TTC28: variants seen among roughly 807,000 people sequenced by gnomAD.
TTC28 encodes the protein tetratricopeptide repeat protein 28.
A neutral mutation model predicts 198.0 loss-of-function variants in TTC28; 61 were observed. The observed-to-expected ratio is 0.31, with a 90% CI of 0.25 to 0.38. TTC28 has a LOEUF of 0.38. TTC28 is among the 10% of genes least tolerant of loss of function. The pLI, the probability that TTC28 is intolerant of heterozygous loss-of-function variation, is 1.00. For missense variants in TTC28, 2,678 were observed against 3,164.0 expected (o/e 0.85, Z 3.69); for synonymous variants, 1,171 against 1,297.8 (o/e 0.90, Z 2.10).
intron 5 of TTC28, among the ~76,000 whole-genome samples, chr22:28,251,746 T>C (rs1435590363): frequency 6.6e-6 from 1 of 152,218 alleles, no homozygotes; most frequent in Non-Finnish European, 1.5e-5. Flanking sequence ...AGAAAATGTA[T>C]GTTTTGAAAC....
intron 2 of TTC28, among the ~76,000 whole-genome samples, chr22:28,526,193 CAAT>C (rs1483700186): frequency 6.6e-6 from 1 of 152,124 alleles, no homozygotes; most frequent in African/African-American, 2.4e-5. Flanking sequence ...AAACTACTAA[CAAT>C]AATAAGTATC....
At chr22:28,144,722 T>C (rs914533347) in intron 6 of TTC28, among the ~76,000 whole-genome samples, 1 of 152,220 alleles carries the variant, frequency 6.6e-6, no homozygotes, top group African/African-American at 2.4e-5. Context: ...AGCTAAGCAC[T>C]AGGAATACAA....
intron 5 of TTC28, among the ~76,000 whole-genome samples, chr22:28,290,730 G>T (rs1428427715): frequency 1.3e-5 from 2 of 152,138 alleles, no homozygotes; most frequent in Non-Finnish European, 2.9e-5. Flanking sequence ...AGGCAACATA[G>T]TGAGACCTTG....
chr22:28,279,313 T>G (rs1034781505), intron 5 of TTC28, among the ~76,000 whole-genome samples: 2 of 152,330 alleles, frequency 1.3e-5, no homozygotes, highest in Admixed American at 1.3e-4. Context: ...GTATTTATAT[T>G]TTCAGATAAA....
intron 5 of TTC28, among the ~76,000 whole-genome samples, chr22:28,188,585 G>A (rs1483974254): frequency 3.3e-5 from 5 of 152,226 alleles, no homozygotes; most frequent in Non-Finnish European, 7.3e-5. Flanking sequence ...CTACTGTCTG[G>A]AGATGTTTAG....
intron 12 of TTC28, among the ~76,000 whole-genome samples, chr22:28,038,187 C>G (rs562580631): frequency 1.3e-5 from 2 of 152,256 alleles, no homozygotes; most frequent in East Asian, 3.9e-4. Context: ...TCATAAGCAA[C>G]CAAAAAAGAG....
intron 2 of TTC28, among the ~76,000 whole-genome samples, chr22:28,337,615 G>C (rs932277178): frequency 7.2e-5 from 11 of 152,270 alleles, no homozygotes; most frequent in Admixed American, 3.3e-4. Context: ...TGTCTCTTTT[G>C]ATCTTTGTTG....
Position 28,675,739 on chromosome 22 carries a change from A to T in TTC28, c.102+3883T>A, listed in dbSNP as rs7286815. ...GGGCGACAGAGTGAAACCCTGTCAC[A>T]CACACACACACACACACACACACAC... On this transcript the variant is annotated intron_variant, in intron 1 of 22. Coordinates refer to ENST00000397906, the MANE Select transcript of TTC28 (RefSeq NM_001145418.2). Among the ~76,000 whole-genome samples, 446 of 116,900 alleles carry T rather than the reference A, an allele frequency of 3.8e-3. 1 individual carries two copies. Among genetic ancestry groups the T allele is most frequent in the African/African-American group, 0.011 (328 of 28,766 alleles). 76.7% of individuals were successfully genotyped at this position (116,900 alleles called of 152,430 possible). A position where few individuals can be genotyped will look rare whatever the true frequency, so the allele number is the denominator to read the frequency against.
At chr22:28,548,909 A>G (rs1643976551) in intron 2 of TTC28, among the ~76,000 whole-genome samples, 1 of 152,196 alleles carries the variant, frequency 6.6e-6, no homozygotes, top group Admixed American at 6.5e-5. Context: ...CTTTAAGAGG[A>G]CTTCACCTGA....
intron 8 of TTC28, 68 bp downstream of exon 8, chr22:28,105,211 G>T: frequency 6.7e-7 from 1 of 1,487,562 alleles, no homozygotes; most frequent in African/African-American, 1.4e-5. Context: ...TTCCCTCTGA[G>T]TCTTGAGTTC....
chr22:28,278,344 C>T (rs566293309), intron 5 of TTC28, among the ~76,000 whole-genome samples: 13 of 152,214 alleles, frequency 8.5e-5, no homozygotes, highest in South Asian at 4.1e-4. Context: ...CCACTATCAA[C>T]GGTAATCATT....
intron 2 of TTC28, among the ~76,000 whole-genome samples, chr22:28,515,698 A>AT (rs2048772333): frequency 6.6e-6 from 1 of 152,190 alleles, no homozygotes; most frequent in Non-Finnish European, 1.5e-5. Context: ...GCCACTATAC[A>AT]TGGCATATGC....
intron 5 of TTC28, among the ~76,000 whole-genome samples, chr22:28,276,949 C>A (rs1372055216): frequency 6.6e-6 from 1 of 151,994 alleles, no homozygotes; most frequent in Non-Finnish European, 1.5e-5. Flanking sequence ...TCATTTTTAG[C>A]TCCTTGATTT....
At chr22:28,496,046 T>C (rs2048450948) in intron 2 of TTC28, among the ~76,000 whole-genome samples, 1 of 152,122 alleles carries the variant, frequency 6.6e-6, no homozygotes, top group South Asian at 2.1e-4. Flanking sequence ...CCTTAAAACA[T>C]AGTTTCACTT....
At chr22:28,257,182 C>A (rs1930985982) in intron 5 of TTC28, among the ~76,000 whole-genome samples, 1 of 152,074 alleles carries the variant, frequency 6.6e-6, no homozygotes, top group Non-Finnish European at 1.5e-5. Flanking sequence ...TACTTTGGGG[C>A]AGAGTATGGA....
chr22:28,669,497 A>C (rs1021841473), intron 1 of TTC28, among the ~76,000 whole-genome samples: 22 of 151,750 alleles, frequency 1.4e-4, no homozygotes, highest in African/African-American at 5.3e-4. Flanking sequence ...GGCCTTATTA[A>C]ATATATGTTC....
At chr22:28,039,893 A>G (rs1310696780) in intron 12 of TTC28, among the ~76,000 whole-genome samples, 1 of 152,180 alleles carries the variant, frequency 6.6e-6, no homozygotes, top group Non-Finnish European at 1.5e-5. Context: ...ATAAAAAATG[A>G]TAAAAGGGAT....
intron 6 of TTC28, among the ~76,000 whole-genome samples, chr22:28,160,554 C>A (rs926981774): frequency 1.3e-5 from 2 of 152,004 alleles, no homozygotes; most frequent in African/African-American, 4.8e-5. Context: ...GTAAAAAAGG[C>A]AGCTTCAGAA....
At chr22:28,018,306 C>CGG (rs138682) in intron 13 of TTC28, among the ~76,000 whole-genome samples, 1,196 of 49,114 alleles carry the variant, frequency 0.024, 35 homozygotes, top group Non-Finnish European at 0.04. Context: ...TGTGCGCGCG[C>CGG]GGGGGGGGGG....
Sources: gnomAD v4.1 joint callset for allele counts (sites outside exome capture counted in the v4.1 genomes callset) on GRCh38, gnomAD v4.1.1 for gene constraint, MANE v1.5 for transcripts, NCBI Gene and HGNC (gene_info 2026-07-23, HGNC 2026-07-21) for gene names.